The following PLCE1 variants were observed in gnomAD, a reference collection of about 807,000 sequenced individuals.
The protein encoded by PLCE1 is 1-phosphatidylinositol 4,5-bisphosphate phosphodiesterase epsilon-1.
A neutral mutation model predicts 242.8 loss-of-function variants in PLCE1; 119 were observed. That is an observed-to-expected ratio of 0.49 (90% CI 0.42 to 0.57). The LOEUF is 0.57. Among genes scored for constraint, PLCE1 ranks in the 20% least tolerant of loss-of-function variants. PLCE1 has a pLI of 0.00. For missense variants in PLCE1, 2,441 were observed against 2,788.8 expected (o/e 0.88, Z 2.81); for synonymous variants, 945 against 1,017.4 (o/e 0.93, Z 1.35).
At chr10:94,143,883 A>G (rs2047041437) in intron 3 of PLCE1, among the ~76,000 whole-genome samples, 1 of 152,260 alleles carries the variant, frequency 6.6e-6, no homozygotes, top group South Asian at 2.1e-4. Flanking sequence ...GATTCCTTGA[A>G]CAAATGTATG....
At chr10:94,243,183 A>G (rs1372607455) in intron 7 of PLCE1, among the ~76,000 whole-genome samples, 1 of 152,184 alleles carries the variant, frequency 6.6e-6, no homozygotes, top group African/African-American at 2.4e-5. Flanking sequence ...GGTGCCCTCA[A>G]TATGATGTGA....
chr10:94,313,350 G>A lies in PLCE1; in HGVS notation c.6100G>A (p.Gly2034Arg), dbSNP rs373598655. The A allele has an allele frequency of 3.7e-6, 6 of 1,614,052 alleles. No homozygotes were observed. In the African/African-American group the frequency reaches 8.0e-5, roughly 22 times the overall value. ...PEPFTVFTINGGTKAKQLLQQ... is the reference protein window; with the variant it reads ...PEPFTVFTINRGTKAKQLLQQ... ...GCCCTTTACCGTTTTCACTATTAATGGAGGCACCAAGGCAAAGCAGCTTCT... is the reference window on the plus strand; with the variant it reads ...GCCCTTTACCGTTTTCACTATTAATAGAGGCACCAAGGCAAAGCAGCTTCT... Residue 2034 changes from glycine (G) to arginine (R), a missense_variant, in exon 28 of 33, where the codon GGA becomes AGA. By Grantham distance (125) the Gly-to-Arg change is moderately radical (BLOSUM62 -2). Coordinates refer to ENST00000371380, the MANE Select transcript of PLCE1 (RefSeq NM_016341.4).
chr10:94,007,699 C>CTTTTTTTTTTTTTTTTT (rs80098906), intron 1 of PLCE1, among the ~76,000 whole-genome samples: 2 of 64,140 alleles, frequency 3.1e-5, no homozygotes, highest in South Asian at 5.9e-4. Context: ...AGCCTACTTT[C>CTTTTTTTTTTTTTTTTT]TTTTTTTTTT....
At chr10:94,259,267 A>T in intron 13 of PLCE1, 117 bp downstream of exon 13, 2 of 1,011,046 alleles carry the variant, frequency 2.0e-6, no homozygotes, top group Non-Finnish European at 3.1e-6. Flanking sequence ...ACTGCTGTGT[A>T]GGGAAAGACT....
At chr10:94,019,343 T>A (rs1274121357) in intron 1 of PLCE1, among the ~76,000 whole-genome samples, 2 of 152,202 alleles carry the variant, frequency 1.3e-5, no homozygotes, top group Non-Finnish European at 2.9e-5. Flanking sequence ...CTTGAAAAGT[T>A]GATATGTTAT....
intron 8 of PLCE1, among the ~76,000 whole-genome samples, chr10:94,251,079 G>A (rs779408602): frequency 6.6e-6 from 1 of 152,094 alleles, no homozygotes; most frequent in African/African-American, 2.4e-5. Context: ...GGTCAAAGGA[G>A]GATATTTCAT....
intron 3 of PLCE1, among the ~76,000 whole-genome samples, chr10:94,159,922 T>A (rs2136201485): frequency 6.6e-6 from 1 of 152,302 alleles, no homozygotes; most frequent in Non-Finnish European, 1.5e-5. Context: ...TCCAGCTTCA[T>A]CCATGTCCCT....
chr10:94,279,543 A>G (rs2052112562), intron 19 of PLCE1: 4 of 546,048 alleles, frequency 7.3e-6, no homozygotes, highest in South Asian at 6.2e-5. Context: ...GGCACTGCAC[A>G]CAGTCTTCTG....
rs958054655 is a variant in PLCE1 at position 94,040,058 on chromosome 10, T to C, written c.1206+7806T>C. ...AGTGGAGCTTGTTAAACATGTCCCT[T>C]GGACATTCATCTCCTTCTCAATATT... On this transcript the variant is annotated intron_variant, in intron 2 of 32. Transcript: ENST00000371380. 1.4e-4 allele frequency among the ~76,000 whole-genome samples: 22 copies of C among 152,334 alleles called. 2 individuals carry two copies. In the South Asian group the frequency reaches 4.6e-3, roughly 32 times the overall value.
chr10:94,255,879 C>CAT (rs2051055451), intron 11 of PLCE1, among the ~76,000 whole-genome samples: 1 of 42,400 alleles, frequency 2.4e-5, no homozygotes, highest in Non-Finnish European at 4.5e-5. Context: ...TACTTTATCT[C>CAT]ACACACACAC....
intron 4 of PLCE1, among the ~76,000 whole-genome samples, chr10:94,193,807 A>T (rs550529418): frequency 6.6e-6 from 1 of 152,300 alleles, no homozygotes; most frequent in East Asian, 1.9e-4. Flanking sequence ...TCTGAAATCC[A>T]CTTCTGCAAG....
chr10:94,264,412 C>T (rs749982963), intron 14 of PLCE1, among the ~76,000 whole-genome samples: 31 of 151,584 alleles, frequency 2.0e-4, no homozygotes, highest in Admixed American at 4.6e-4. Flanking sequence ...TGCAAGGGCC[C>T]AATCATCCGG....
intron 2 of PLCE1, among the ~76,000 whole-genome samples, chr10:94,049,576 C>CCTGTCTGT (rs549659993): frequency 2.0e-5 from 3 of 151,908 alleles, no homozygotes; most frequent in Non-Finnish European, 4.4e-5. Context: ...CTTTAGTTAC[C>CCTGTCTGT]CTGTCTGTCT....
At chr10:94,105,838 C>CT (rs1020155560) in intron 2 of PLCE1, 1 of 152,110 alleles carries the variant, frequency 6.6e-6, no homozygotes, top group Non-Finnish European at 1.5e-5. Flanking sequence ...CCAAATAGCT[C>CT]TTTTTTAAGG....
rs754390172 is a variant in PLCE1, at chr10:94,246,363, G to T, written c.2838G>T (p.Met946Ile). 1.9e-6 allele frequency: 3 copies of T among 1,614,138 alleles called. No homozygotes were observed. The South Asian group carries it at 3.3e-5, about 18-fold the overall frequency. Residue 946 changes from methionine to isoleucine, a missense_variant, in exon 8 of 33, where the codon ATG becomes ATT. Transcript: ENST00000371380. ...LDLFAVKAVY[M>I]GHPGIDIHTV... ...TTTTTGCAGTGAAGGCTGTATACAT[G>T]GGCCACCCTGGCATTGATATACACA...
chr10:94,103,848 A>G (rs750136935), intron 2 of PLCE1, among the ~76,000 whole-genome samples: 1 of 152,244 alleles, frequency 6.6e-6, no homozygotes, highest in Non-Finnish European at 1.5e-5. Flanking sequence ...ATTTGAAATT[A>G]CAGACTTCAA....
At chr10:94,026,664 A>G (rs1027167722) in intron 1 of PLCE1, among the ~76,000 whole-genome samples, 2 of 152,204 alleles carry the variant, frequency 1.3e-5, no homozygotes, top group Non-Finnish European at 1.5e-5. Flanking sequence ...GACATACAAA[A>G]TGTATATATA....
chr10:94,169,724 T>C (rs1440297755), intron 3 of PLCE1, among the ~76,000 whole-genome samples: 1 of 152,198 alleles, frequency 6.6e-6, no homozygotes, highest in Non-Finnish European at 1.5e-5. Flanking sequence ...TAGCTGAAGT[T>C]AGATAATAGG....
chr10:94,183,083 G>A (rs887223892), intron 4 of PLCE1, among the ~76,000 whole-genome samples: 2 of 152,196 alleles, frequency 1.3e-5, no homozygotes, highest in African/African-American at 2.4e-5. Context: ...TCAGAGATTA[G>A]GATTTTGAGC....
Sources: gnomAD v4.1 joint callset for allele counts (sites outside exome capture counted in the v4.1 genomes callset) on GRCh38, gnomAD v4.1.1 for gene constraint, MANE v1.5 for transcripts, NCBI Gene and HGNC (gene_info 2026-07-23, HGNC 2026-07-21) for gene names.